FIP1L1: variants seen among roughly 807,000 people sequenced by gnomAD.
FIP1L1 encodes factor interacting with PAPOLA and CPSF1.
A neutral mutation model predicts 84.6 loss-of-function variants in FIP1L1; 21 were observed. The observed-to-expected ratio is 0.25, with a 90% CI of 0.18 to 0.36. The LOEUF is 0.36. Among genes scored for constraint, FIP1L1 ranks in the 10% least tolerant of loss-of-function variants. The pLI, the probability that FIP1L1 is intolerant of heterozygous loss-of-function variation, is 1.00. For synonymous variants in FIP1L1, 263 were observed against 242.3 expected, an observed-to-expected ratio of 1.09 and a Z score of -0.80; for missense variants, 526 against 751.1, an observed-to-expected ratio of 0.70 and a Z score of 3.50.
intron 11 of FIP1L1, among the ~76,000 whole-genome samples, chr4:53,415,425 T>G (rs1759054644): frequency 1.3e-5 from 2 of 152,170 alleles, no homozygotes; most frequent in African/African-American, 4.8e-5. Context: ...TCTGAGAGAT[T>G]GTGCTTTGAT....
chr4:53,445,467 T>A (rs566792666), intron 15 of FIP1L1, among the ~76,000 whole-genome samples: 3 of 152,308 alleles, frequency 2.0e-5, no homozygotes, highest in African/African-American at 7.2e-5. Context: ...ATACCTCATA[T>A]ATCCATGGGA....
chr4:53,379,798 A>G (rs1578065872), intron 3 of FIP1L1, among the ~76,000 whole-genome samples: 1 of 152,204 alleles, frequency 6.6e-6, no homozygotes, highest in Non-Finnish European at 1.5e-5. Context: ...TAGAACATAT[A>G]CAGGGAGTCA....
rs1001707669 is a variant in FIP1L1, at chr4:53,459,711, T to TAAAG, written c.*264_*267dup. ...TGAATGAGTCACTTAACAGGGAATC[T>TAAAG]AAAGAGCTGTGTTAGCTGTGTACAT... On this transcript the variant is annotated 3_prime_UTR_variant, in exon 18 of 18. Transcript: ENST00000337488. 4.5e-5 allele frequency: 22 copies of TAAAG among 489,190 alleles called. No homozygotes were observed. Among genetic ancestry groups the TAAAG allele is most frequent in the Non-Finnish European group, 8.1e-5 (22 of 270,990 alleles). 30.3% of individuals were successfully genotyped at this position (489,190 alleles called of 1,614,324 possible).
intron 15 of FIP1L1, 74 bp from the exon 16 acceptor site, chr4:53,452,846 T>G: frequency 9.5e-7 from 1 of 1,055,554 alleles, no homozygotes; most frequent in Non-Finnish European, 1.5e-6. Context: ...TATAATCTCA[T>G]GACACATTTT....
At chr4:53,443,511 A>G (rs1772893020) in intron 14 of FIP1L1, among the ~76,000 whole-genome samples, 1 of 152,200 alleles carries the variant, frequency 6.6e-6, no homozygotes, top group African/African-American at 2.4e-5. Context: ...AAGGCAAAAT[A>G]TGTGAGAACT....
intron 10 of FIP1L1, among the ~76,000 whole-genome samples, chr4:53,408,353 C>T (rs1426232566): frequency 3.9e-5 from 6 of 152,166 alleles, no homozygotes; most frequent in African/African-American, 7.2e-5. Flanking sequence ...AGAGTTTCTG[C>T]GGAGAGATCT....
Position 53,452,967 on chromosome 4 carries a change from G to A in FIP1L1, c.1333G>A (p.Val445Met). ...TTCTGCTCCTTCGTGGCCTAGTCTT[G>A]TGGACACCAGCAAGCAGTGGGACTA... ...PGSAPSWPSL[V>M]DTSKQWDYYA... Residue 445 changes from valine (V) to methionine (M), a missense_variant, in exon 16 of 18, where the codon GTG (valine) becomes ATG (methionine). Val to Met is a conservative substitution (Grantham distance 21). Coordinates refer to ENST00000337488, the MANE Select transcript of FIP1L1 (RefSeq NM_030917.4). The A allele has an allele frequency of 6.2e-7, 1 of 1,613,400 alleles. No homozygotes were observed. Among genetic ancestry groups the A allele is most frequent in the Non-Finnish European group, 8.5e-7 (1 of 1,179,962 alleles).
At chr4:53,442,766 A>G in intron 14 of FIP1L1, 59 bp downstream of exon 14, 2 of 913,768 alleles carry the variant, frequency 2.2e-6, no homozygotes. Context: ...GAAGAACCAT[A>G]TACTTGGAAA....
intron 16 of FIP1L1, among the ~76,000 whole-genome samples, chr4:53,456,076 C>T (rs1415164902): frequency 6.6e-6 from 1 of 152,014 alleles, no homozygotes; most frequent in Non-Finnish European, 1.5e-5. Flanking sequence ...GCATTACTTT[C>T]CAGAAAGTCA....
At chr4:53,450,817 A>G (rs1166469994) in intron 15 of FIP1L1, among the ~76,000 whole-genome samples, 2 of 152,052 alleles carry the variant, frequency 1.3e-5, no homozygotes, top group African/African-American at 4.8e-5. Flanking sequence ...TACTTTCTAA[A>G]ACTTAAGGTG....
At chr4:53,415,957 T>C (rs1213136770) in intron 11 of FIP1L1, among the ~76,000 whole-genome samples, 1 of 152,226 alleles carries the variant, frequency 6.6e-6, no homozygotes, top group African/African-American at 2.4e-5. Context: ...TTGAAAGTAC[T>C]CATTGATTTT....
intron 13 of FIP1L1, among the ~76,000 whole-genome samples, chr4:53,432,724 T>C (rs547951810): frequency 7.2e-5 from 11 of 152,346 alleles, no homozygotes; most frequent in African/African-American, 2.6e-4. Context: ...CTAAGTCATC[T>C]GAGTAATAGC....
chr4:53,427,202 GGGA>G (rs1305692988), intron 12 of FIP1L1, among the ~76,000 whole-genome samples: 2 of 152,178 alleles, frequency 1.3e-5, no homozygotes, highest in Non-Finnish European at 2.9e-5. Flanking sequence ...AATGGAAAGA[GGGA>G]TTGTATGTTT....
intron 15 of FIP1L1, among the ~76,000 whole-genome samples, chr4:53,449,162 A>T (rs545655910): frequency 6.6e-6 from 1 of 152,172 alleles, no homozygotes; most frequent in Admixed American, 6.5e-5. Context: ...AGCAAATTAA[A>T]TTATAACAAC....
intron 5 of FIP1L1, among the ~76,000 whole-genome samples, chr4:53,385,936 CATTTACTTAT>C (rs1578145215): frequency 6.6e-6 from 1 of 151,922 alleles, no homozygotes; most frequent in Admixed American, 6.6e-5. Flanking sequence ...ATTTGATAAA[CATTTACTTAT>C]GCACAGCGTT....
chr4:53,381,962 G>A (rs947428943), intron 3 of FIP1L1, among the ~76,000 whole-genome samples: 1 of 151,142 alleles, frequency 6.6e-6, no homozygotes, highest in Non-Finnish European at 1.5e-5. Context: ...GTAGAGACGG[G>A]GTTTTACCAT....
At chr4:53,454,049 A>G (rs1409737730) in intron 16 of FIP1L1, among the ~76,000 whole-genome samples, 1 of 152,212 alleles carries the variant, frequency 6.6e-6, no homozygotes, top group Non-Finnish European at 1.5e-5. Flanking sequence ...CTTTCCTGCA[A>G]CACACTTATG....
At chr4:53,399,063 G>GA (rs1433677174) in intron 9 of FIP1L1, among the ~76,000 whole-genome samples, 1 of 152,170 alleles carries the variant, frequency 6.6e-6, no homozygotes, top group Non-Finnish European at 1.5e-5. Flanking sequence ...TGAGGCAAGA[G>GA]AATCACTTTA....
chr4:53,394,806 A>G (rs1288123434), intron 9 of FIP1L1, among the ~76,000 whole-genome samples: 2 of 151,888 alleles, frequency 1.3e-5, no homozygotes, highest in East Asian at 3.9e-4. Flanking sequence ...ATTTTTTTAT[A>G]AATATAATTT....
Sources: allele counts gnomAD v4.1 joint callset (sites outside exome capture counted in the v4.1 genomes callset), GRCh38; gene constraint gnomAD v4.1.1; transcripts MANE v1.5; gene names NCBI Gene and HGNC (gene_info 2026-07-23, HGNC 2026-07-21).